The following LRRC4C variants were observed in gnomAD, a reference collection of about 807,000 sequenced individuals.
LRRC4C encodes the protein leucine rich repeat containing 4C, also known as leucine-rich repeat-containing protein 4C.
A neutral mutation model predicts 33.6 loss-of-function variants in LRRC4C; 5 were observed. The ratio of observed to expected loss-of-function variants is 0.15; its 90% CI spans 0.08 to 0.31. The LOEUF is 0.31. Ranked by LOEUF, LRRC4C falls within the 10% of genes least tolerant of loss-of-function variation. The pLI is 1.00. For synonymous variants in LRRC4C, 329 were observed against 302.0 expected (o/e 1.09, Z -0.93); for missense variants, 560 against 796.7 (o/e 0.70, Z 3.58).
At chr11:40,165,528 A>G (rs1859518531) in intron 5 of LRRC4C, among the ~76,000 whole-genome samples, 1 of 152,234 alleles carries the variant, frequency 6.6e-6, no homozygotes, top group Admixed American at 6.5e-5. Flanking sequence ...ACAACGACAA[A>G]AAATCCACTG....
At chr11:41,325,578 TGTGTGTGTG>T (rs1250046439) in intron 1 of LRRC4C, among the ~76,000 whole-genome samples, 7 of 63,418 alleles carry the variant, frequency 1.1e-4, no homozygotes, top group Admixed American at 2.0e-4. Flanking sequence ...TTTTTTTTTT[TGTGTGTGTG>T]TGTGTGTGTG....
chr11:41,137,478 T>C (rs1943316861), intron 1 of LRRC4C, among the ~76,000 whole-genome samples: 1 of 152,158 alleles, frequency 6.6e-6, no homozygotes, highest in African/African-American at 2.4e-5. Flanking sequence ...ATGAAAACTG[T>C]TTTCTCTATG....
At chr11:41,209,588 T>A (rs1946737496) in intron 1 of LRRC4C, among the ~76,000 whole-genome samples, 1 of 149,962 alleles carries the variant, frequency 6.7e-6, no homozygotes, top group Admixed American at 6.7e-5. Context: ...GAGGTTGCAG[T>A]GAGCTGAGAT....
chr11:40,553,650 T>C (rs1425104609), intron 3 of LRRC4C, among the ~76,000 whole-genome samples: 1 of 152,176 alleles, frequency 6.6e-6, no homozygotes, highest in Non-Finnish European at 1.5e-5. Flanking sequence ...TCACAGAGCT[T>C]TAGATTTGCA....
At chr11:40,924,034 G>A (rs1406296754) in intron 2 of LRRC4C, among the ~76,000 whole-genome samples, 1 of 151,546 alleles carries the variant, frequency 6.6e-6, no homozygotes, top group Admixed American at 6.6e-5. Context: ...GTCATTCCAC[G>A]AATTCAGGGA....
At chr11:40,578,169 T>TTTTTTTTTTTTTTA (rs1958301328) in intron 3 of LRRC4C, among the ~76,000 whole-genome samples, 1 of 131,830 alleles carries the variant, frequency 7.6e-6, no homozygotes, top group Non-Finnish European at 1.6e-5. Flanking sequence ...TTTTTTTTTT[T>TTTTTTTTTTTTTTA]TGCCTCTTAA....
chr11:40,707,470 T>C (rs183958629), intron 2 of LRRC4C, among the ~76,000 whole-genome samples: 222 of 152,304 alleles, frequency 1.5e-3, no homozygotes, highest in Middle Eastern at 0.01. Context: ...GAGATAATCA[T>C]GTGGTTTTTG....
At chr11:40,402,191 A>C (rs569190707) in intron 3 of LRRC4C, among the ~76,000 whole-genome samples, 2 of 152,208 alleles carry the variant, frequency 1.3e-5, no homozygotes, top group Admixed American at 1.3e-4. Flanking sequence ...GTCAAACTGG[A>C]TTTCATTGTG....
chr11:41,267,870 T>G (rs1349070617), intron 1 of LRRC4C, among the ~76,000 whole-genome samples: 5 of 152,126 alleles, frequency 3.3e-5, no homozygotes, highest in African/African-American at 9.6e-5. Flanking sequence ...TAAATAATTT[T>G]AGCTTTTTTG....
chr11:40,195,612 C>T (rs1184167432), intron 5 of LRRC4C, among the ~76,000 whole-genome samples: 2 of 151,864 alleles, frequency 1.3e-5, no homozygotes, highest in East Asian at 3.9e-4. Flanking sequence ...GAAAAAAAAT[C>T]ACCTCTTCAT....
chr11:40,438,492 G>T (rs559355982), intron 3 of LRRC4C, among the ~76,000 whole-genome samples: 2 of 152,280 alleles, frequency 1.3e-5, no homozygotes, highest in Admixed American at 6.5e-5. Context: ...CTCCAGGAGG[G>T]CAGGGACATT....
chr11:40,941,255 C>T (rs1958130608), intron 1 of LRRC4C, among the ~76,000 whole-genome samples: 1 of 152,068 alleles, frequency 6.6e-6, no homozygotes. Context: ...TTTGTAATGG[C>T]TTTACCAGTA....
intron 1 of LRRC4C, among the ~76,000 whole-genome samples, chr11:41,442,721 T>G (rs1024963499): frequency 5.3e-5 from 8 of 151,946 alleles, no homozygotes; most frequent in South Asian, 2.1e-4. Flanking sequence ...CGCCCGCCTT[T>G]GCCTCCCAAA....
chr11:40,809,921 A>G (rs1951416519), intron 2 of LRRC4C, among the ~76,000 whole-genome samples: 1 of 152,324 alleles, frequency 6.6e-6, no homozygotes, highest in African/African-American at 2.4e-5. Context: ...TGAAATGTAC[A>G]AAAATAATGG....
At chr11:41,118,781 G>A (rs1200456743) in intron 1 of LRRC4C, among the ~76,000 whole-genome samples, 1 of 152,098 alleles carries the variant, frequency 6.6e-6, no homozygotes, top group Admixed American at 6.6e-5. Context: ...CCTAGTTTGA[G>A]TGTTGTTAGA....
At chr11:40,197,468 C>T (rs774424075) in intron 5 of LRRC4C, among the ~76,000 whole-genome samples, 11 of 152,202 alleles carry the variant, frequency 7.2e-5, no homozygotes, top group Non-Finnish European at 1.2e-4. Context: ...ATGACCAAAG[C>T]TTCCACATAG....
At chr11:40,549,223 A>G (rs1276519528) in intron 3 of LRRC4C, among the ~76,000 whole-genome samples, 2 of 152,176 alleles carry the variant, frequency 1.3e-5, no homozygotes, top group African/African-American at 2.4e-5. Context: ...TATGTAGCTT[A>G]TGATACAATC....
At chr11:40,564,229 AG>A (rs1386093712) in intron 3 of LRRC4C, among the ~76,000 whole-genome samples, 3 of 152,188 alleles carry the variant, frequency 2.0e-5, no homozygotes. Context: ...GGCCTTGAGA[AG>A]CCCTGAGACA....
chr11:41,216,659 C>T (rs1590961230), intron 1 of LRRC4C, among the ~76,000 whole-genome samples: 1 of 151,998 alleles, frequency 6.6e-6, no homozygotes. Flanking sequence ...CTCTTCTGGG[C>T]AATGTTAATT....
Sources: gnomAD v4.1 joint callset for allele counts (sites outside exome capture counted in the v4.1 genomes callset) on GRCh38, gnomAD v4.1.1 for gene constraint, MANE v1.5 for transcripts, NCBI Gene and HGNC (gene_info 2026-07-23, HGNC 2026-07-21) for gene names.